Variants in DLGAP1 observed in about 807,000 individuals in gnomAD.
The protein encoded by DLGAP1 is DLG associated protein 1, also known as disks large-associated protein 1.
In DLGAP1, 11 loss-of-function variants were observed where a neutral mutation model predicts 90.8. That is an observed-to-expected ratio of 0.12 (90% CI 0.08 to 0.20). The LOEUF (loss-of-function observed/expected upper bound fraction) is 0.20. Among genes scored for constraint, DLGAP1 ranks in the 10% least tolerant of loss-of-function variants. DLGAP1 has a pLI of 1.00. For synonymous variants in DLGAP1, 558 were observed against 540.7 expected, an observed-to-expected ratio of 1.03 and a Z score of -0.44; for missense variants, 1,050 against 1,333.8, an observed-to-expected ratio of 0.79 and a Z score of 3.31.
At chr18:4,167,935 A>G (rs933698084) in intron 1 of DLGAP1, among the ~76,000 whole-genome samples, 1 of 152,192 alleles carries the variant, frequency 6.6e-6, no homozygotes, top group African/African-American at 2.4e-5. Flanking sequence ...GAAGAAATAA[A>G]AGAAGATTGA....
chr18:3,870,375 T>C (rs2070670286), intron 4 of DLGAP1, among the ~76,000 whole-genome samples: 1 of 152,238 alleles, frequency 6.6e-6, no homozygotes, highest in South Asian at 2.1e-4. Context: ...CTTTACAATA[T>C]TTCATGTAGC....
chr18:3,970,264 G>A (rs1475343603), intron 3 of DLGAP1, among the ~76,000 whole-genome samples: 1 of 152,068 alleles, frequency 6.6e-6, no homozygotes, highest in African/African-American at 2.4e-5. Context: ...ATCTCATAGA[G>A]AATAAATGAG....
At chr18:3,845,140 TGTTAA>T (rs947122152) in intron 4 of DLGAP1, 5 of 1,478,224 alleles carry the variant, frequency 3.4e-6, no homozygotes, top group African/African-American at 1.4e-5. Context: ...AACTCCAGTA[TGTTAA>T]AAGAAAGATG....
chr18:4,441,587 T>C (rs76887475), intron 1 of DLGAP1, among the ~76,000 whole-genome samples: 4,933 of 152,306 alleles, frequency 0.032, 259 homozygotes, highest in African/African-American at 0.11. Context: ...TAAAAGGTTG[T>C]GATTTTAGCA....
intron 5 of DLGAP1, among the ~76,000 whole-genome samples, chr18:3,772,641 T>C (rs908297116): frequency 1.3e-5 from 2 of 151,648 alleles, no homozygotes; most frequent in African/African-American, 4.9e-5. Flanking sequence ...AATAATATTA[T>C]TATATCCTCA....
chr18:3,821,893 C>T (rs986124296), intron 4 of DLGAP1: 9 of 985,038 alleles, frequency 9.1e-6, no homozygotes, highest in South Asian at 9.4e-5. Context: ...CCTACTCACT[C>T]GATTTCTTTG....
intron 8 of DLGAP1, among the ~76,000 whole-genome samples, chr18:3,573,468 C>T (rs1329817694): frequency 6.6e-6 from 1 of 152,176 alleles, no homozygotes; most frequent in South Asian, 2.1e-4. Context: ...TACCACCGCA[C>T]TCCAGCCTGG....
intron 6 of DLGAP1, among the ~76,000 whole-genome samples, chr18:3,733,499 T>A (rs1262384828): frequency 6.6e-6 from 1 of 152,194 alleles, no homozygotes; most frequent in Non-Finnish European, 1.5e-5. Context: ...GTGTACTGTG[T>A]TGCCAGTGTT....
Position 3,614,603 on chromosome 18 carries a change from G to A in DLGAP1, c.1592-32355C>T, listed in dbSNP as rs114011181. Among the ~76,000 whole-genome samples, 484 of 151,446 alleles carry A rather than the reference G, an allele frequency of 3.2e-3. 3 individuals are homozygous for A. Among genetic ancestry groups the A allele is most frequent in the African/African-American group, 0.011 (462 of 41,270 alleles). On this transcript the variant is annotated intron_variant, in intron 7 of 12. Coordinates refer to ENST00000315677, the MANE Select transcript of DLGAP1 (RefSeq NM_004746.4). ...TACTGGAGTCTCCCGCACTTTGGGA[G>A]GCCGAGGTGGGCGGATCACCTGAGG...
intron 3 of DLGAP1, among the ~76,000 whole-genome samples, chr18:3,917,081 C>A (rs902803378): frequency 6.6e-6 from 1 of 152,184 alleles, no homozygotes. Flanking sequence ...TGTGTTAGAT[C>A]ATTTTGCTCA....
intron 1 of DLGAP1, chr18:4,293,523 A>C (rs1429276887): frequency 6.6e-6 from 1 of 152,244 alleles, no homozygotes; most frequent in Non-Finnish European, 1.5e-5. Context: ...GTATGCAAAG[A>C]CAAAACAATT....
intron 3 of DLGAP1, among the ~76,000 whole-genome samples, chr18:3,930,329 C>A (rs1296051992): frequency 6.6e-6 from 1 of 152,156 alleles, no homozygotes; most frequent in Non-Finnish European, 1.5e-5. Context: ...ATGCTCACTG[C>A]TATCTTCTTC....
At chr18:4,297,017 GAGTGGAAC>G (rs2079998581) in intron 1 of DLGAP1, among the ~76,000 whole-genome samples, 1 of 152,176 alleles carries the variant, frequency 6.6e-6, no homozygotes, top group Non-Finnish European at 1.5e-5. Flanking sequence ...CCTAAATTAA[GAGTGGAAC>G]AGGTCTGTAA....
At chr18:3,575,527 T>A (rs2055070485) in intron 8 of DLGAP1, among the ~76,000 whole-genome samples, 1 of 152,140 alleles carries the variant, frequency 6.6e-6, no homozygotes, top group Non-Finnish European at 1.5e-5. Flanking sequence ...AAAGACAATG[T>A]AACCAACTGT....
At chr18:4,033,662 T>G (rs2074836556) in intron 2 of DLGAP1, among the ~76,000 whole-genome samples, 1 of 152,174 alleles carries the variant, frequency 6.6e-6, no homozygotes, top group Non-Finnish European at 1.5e-5. Flanking sequence ...TTTAAATTAT[T>G]TTTTTCCAAA....
intron 1 of DLGAP1, among the ~76,000 whole-genome samples, chr18:4,265,615 C>G (rs1364771782): frequency 1.0e-4 from 8 of 76,950 alleles, no homozygotes; most frequent in African/African-American, 6.0e-4. Flanking sequence ...TTCCTTCCTT[C>G]CCTCCCTCCC....
chr18:4,443,438 C>T (rs2083585627), intron 1 of DLGAP1, among the ~76,000 whole-genome samples: 1 of 152,142 alleles, frequency 6.6e-6, no homozygotes, highest in Non-Finnish European at 1.5e-5. Flanking sequence ...GAAGGGATGG[C>T]ATGTGTTCCT....
At chr18:4,294,070 C>T (rs1359255912) in intron 1 of DLGAP1, 1 of 152,030 alleles carries the variant, frequency 6.6e-6, no homozygotes, top group Admixed American at 6.6e-5. Flanking sequence ...TCTTTTGGGA[C>T]ATAACCTTTG....
Position 4,383,587 on chromosome 18 carries a change from TA to T in DLGAP1, c.-267+71418del, listed in dbSNP as rs200063681. 6.0e-5 allele frequency among the ~76,000 whole-genome samples: 9 copies of T among 149,872 alleles called. No individual in the cohort carries two copies. The highest frequency in any genetic ancestry group is 4.2e-4 in the South Asian group (2 of 4,742). ...GACAAAACCGAGTATCCTTGCTCAT[TA>T]AAAAAAAAGGGATGTTTACCTATGA... On this transcript the variant is annotated intron_variant, in intron 1 of 12. Coordinates refer to ENST00000315677, the MANE Select transcript of DLGAP1 (RefSeq NM_004746.4). This position sits in a 1 kb window ranked among gnomAD's most constrained non-coding sequence, Gnocchi z 4.0.
Sources: allele counts gnomAD v4.1 joint callset (sites outside exome capture counted in the v4.1 genomes callset), GRCh38; gene constraint gnomAD v4.1.1; non-coding constraint Gnocchi (gnomAD v3.1); transcripts MANE v1.5; gene names NCBI Gene and HGNC (gene_info 2026-07-23, HGNC 2026-07-21).